The following MAMDC2 variants were observed in gnomAD, a reference collection of about 807,000 sequenced individuals.
MAMDC2 encodes the protein MAM domain containing 2, also known as MAM domain-containing protein 2.
In MAMDC2, 57 loss-of-function variants were observed where a neutral mutation model predicts 89.8. That is an observed-to-expected ratio of 0.63 (90% CI 0.51 to 0.79). The LOEUF is 0.79. MAMDC2 is among the 30% of genes least tolerant of loss of function. MAMDC2 has a pLI of 0.00. For synonymous variants in MAMDC2, 313 were observed against 293.4 expected (o/e 1.07, Z -0.68); for missense variants, 800 against 820.6 (o/e 0.97, Z 0.31).
At chr9:70,199,385 A>C (rs934726026) in intron 11 of MAMDC2, among the ~76,000 whole-genome samples, 6 of 146,058 alleles carry the variant, frequency 4.1e-5, no homozygotes, top group Non-Finnish European at 6.0e-5. Flanking sequence ...TGAACTCATC[A>C]TTTTTTATGG....
At chr9:70,093,096 T>C (rs927637386) in intron 2 of MAMDC2, among the ~76,000 whole-genome samples, 1 of 152,148 alleles carries the variant, frequency 6.6e-6, no homozygotes, top group Non-Finnish European at 1.5e-5. Context: ...TGTATATATA[T>C]TTATTTATGT....
At chr9:70,141,516 T>G (rs1160577895) in intron 8 of MAMDC2, among the ~76,000 whole-genome samples, 1 of 152,188 alleles carries the variant, frequency 6.6e-6, no homozygotes, top group Non-Finnish European at 1.5e-5. Context: ...TTGTGGTAAG[T>G]GCTGTCAGGG....
intron 2 of MAMDC2, chr9:70,086,171 C>A (rs375270441): frequency 1.3e-5 from 2 of 152,088 alleles, no homozygotes; most frequent in Non-Finnish European, 2.9e-5. Flanking sequence ...ATTTGAAATA[C>A]TTTAAACTTG....
rs2118524024 is a variant in MAMDC2, at chr9:70,168,684, T to C, written c.1405-18T>C. ...TTTCAGTTAACAGAATTCATAGCTT[T>C]ATTTTTATGAATTTCAGGTGGTTTT... On this transcript the variant is annotated intron_variant, in intron 9 of 13. Coordinates refer to ENST00000377182, the MANE Select transcript of MAMDC2 (RefSeq NM_153267.5). 2 of 1,605,594 alleles carry C rather than the reference T, an allele frequency of 1.2e-6. No individual in the cohort carries two copies. The highest frequency in any genetic ancestry group is 2.2e-5 in the East Asian group (1 of 44,818).
intron 11 of MAMDC2, among the ~76,000 whole-genome samples, chr9:70,210,681 A>T (rs2033337045): frequency 6.6e-6 from 1 of 152,040 alleles, no homozygotes; most frequent in African/African-American, 2.4e-5. Flanking sequence ...TCATGACGTT[A>T]GCTGGTTATT....
At chr9:70,166,809 ACATATT>A (rs1455045008) in intron 9 of MAMDC2, among the ~76,000 whole-genome samples, 1 of 152,182 alleles carries the variant, frequency 6.6e-6, no homozygotes, top group Admixed American at 6.5e-5. Context: ...TTTCACTACC[ACATATT>A]CATTTTGAAA....
chr9:70,170,846 T>C (rs2032317715), intron 11 of MAMDC2: 1 of 438,592 alleles, frequency 2.3e-6, no homozygotes, highest in African/African-American at 2.0e-5. Flanking sequence ...GCAGCAAGGA[T>C]CTAACAGGGC....
chr9:70,044,493 C>A (rs1048498068), intron 1 of MAMDC2, 91 bp from the exon 2 acceptor site: 5 of 1,063,224 alleles, frequency 4.7e-6, no homozygotes, highest in Non-Finnish European at 4.2e-6. Context: ...GTCTTTCCCC[C>A]ACTTTCACCA....
At chr9:70,098,966 T>C (rs1184821640) in intron 2 of MAMDC2, among the ~76,000 whole-genome samples, 1 of 152,226 alleles carries the variant, frequency 6.6e-6, no homozygotes, top group Non-Finnish European at 1.5e-5. Context: ...ACCAGATGAC[T>C]TGAGCTGAAG....
rs769805008 is a variant in MAMDC2 at position 70,204,059 on chromosome 9, CAA to C, written c.1652-14276_1652-14275del. On this transcript the variant is annotated intron_variant, in intron 11 of 13. Transcript: ENST00000377182. ...CTGAAGCCTTCTTCTCTCAGCTCGTCAAAGTCATTCTCCATCCAGCTTTGTTC... is the reference window on the plus strand; with the variant it reads ...CTGAAGCCTTCTTCTCTCAGCTCGTCAGTCATTCTCCATCCAGCTTTGTTC... 4.4e-3 allele frequency among the ~76,000 whole-genome samples: 669 copies of C among 151,888 alleles called. 7 individuals carry two copies. Among genetic ancestry groups the C allele is most frequent in the Non-Finnish European group, 8.3e-3 (564 of 67,952 alleles).
chr9:70,101,333 G>C (rs1275735305), intron 2 of MAMDC2, among the ~76,000 whole-genome samples: 2 of 149,506 alleles, frequency 1.3e-5, no homozygotes, highest in African/African-American at 4.9e-5. Flanking sequence ...TATAGTAAAC[G>C]AAGGTTAATT....
At chr9:70,073,071 G>A (rs1178088451) in intron 2 of MAMDC2, among the ~76,000 whole-genome samples, 1 of 152,172 alleles carries the variant, frequency 6.6e-6, no homozygotes, top group East Asian at 1.9e-4. Flanking sequence ...CTGACCTCAA[G>A]TGATCCCCCA....
At chr9:70,084,829 C>T (rs2118150513) in intron 2 of MAMDC2, among the ~76,000 whole-genome samples, 1 of 152,148 alleles carries the variant, frequency 6.6e-6, no homozygotes, top group Middle Eastern at 3.4e-3. Flanking sequence ...AACTTTTCTC[C>T]ACTGGTAACA....
chr9:70,120,511 C>A (rs2030236052), intron 5 of MAMDC2, among the ~76,000 whole-genome samples: 1 of 152,160 alleles, frequency 6.6e-6, no homozygotes, highest in South Asian at 2.1e-4. Flanking sequence ...AGCAGGGCAG[C>A]TCTAACCCAA....
At chr9:70,222,375 G>T (rs897992813) in intron 12 of MAMDC2, among the ~76,000 whole-genome samples, 1 of 152,138 alleles carries the variant, frequency 6.6e-6, no homozygotes, top group South Asian at 2.1e-4. Context: ...TGAGTTCAGG[G>T]AAGAGAACAC....
intron 9 of MAMDC2, among the ~76,000 whole-genome samples, chr9:70,146,366 G>A (rs573091459): frequency 7.4e-4 from 112 of 152,260 alleles, no homozygotes; most frequent in African/African-American, 2.3e-3. Flanking sequence ...CAGATGAGGA[G>A]ACAGTATAGT....
intron 2 of MAMDC2, among the ~76,000 whole-genome samples, chr9:70,046,592 A>C (rs1052953012): frequency 6.6e-6 from 1 of 152,230 alleles, no homozygotes; most frequent in Non-Finnish European, 1.5e-5. Context: ...ACTGCCTCCC[A>C]GACCCACAGG....
chr9:70,214,429 AC>A (rs2033409394), intron 11 of MAMDC2, among the ~76,000 whole-genome samples: 1 of 152,186 alleles, frequency 6.6e-6, no homozygotes, highest in Non-Finnish European at 1.5e-5. Flanking sequence ...GCCAAGCAAC[AC>A]AGTAAGTGAG....
chr9:70,190,533 G>C (rs535165445), intron 11 of MAMDC2, among the ~76,000 whole-genome samples: 1 of 150,464 alleles, frequency 6.6e-6, no homozygotes, highest in South Asian at 2.1e-4. Context: ...AGGTCAGCCA[G>C]AGGTGACAGA....
Sources: gnomAD v4.1 joint callset for allele counts (sites outside exome capture counted in the v4.1 genomes callset) on GRCh38, gnomAD v4.1.1 for gene constraint, MANE v1.5 for transcripts, NCBI Gene and HGNC (gene_info 2026-07-23, HGNC 2026-07-21) for gene names.